Variants in CPPED1 observed in about 807,000 individuals in gnomAD.
CPPED1 encodes serine/threonine-protein phosphatase CPPED1.
In CPPED1, 28 loss-of-function variants were observed where a neutral mutation model predicts 28.0. The observed-to-expected ratio is 1.00, with a 90% CI of 0.74 to 1.37. CPPED1 has a LOEUF of 1.37. Among genes scored for constraint, CPPED1 ranks in the 40% most tolerant of loss-of-function variants. The pLI, the probability that CPPED1 is intolerant of heterozygous loss-of-function variation, is 0.00. For missense variants in CPPED1, 504 were observed against 416.5 expected, an observed-to-expected ratio of 1.21 and a Z score of -1.83; for synonymous variants, 198 against 180.2, an observed-to-expected ratio of 1.10 and a Z score of -0.79.
intron 3 of CPPED1, among the ~76,000 whole-genome samples, chr16:12,679,706 G>A (rs1388382692): frequency 1.3e-5 from 2 of 152,120 alleles, no homozygotes; most frequent in Non-Finnish European, 2.9e-5. Context: ...CCTGAAAACT[G>A]TATTTCTGAT....
At chr16:12,783,014 G>A (rs1281473274) in intron 1 of CPPED1, among the ~76,000 whole-genome samples, 1 of 152,142 alleles carries the variant, frequency 6.6e-6, no homozygotes, top group Admixed American at 6.6e-5. Context: ...TGTCTATTGA[G>A]TATCATACTG....
At position 12,698,086 on chromosome 16, in the gene CPPED1, G is replaced by T. The variant is rs148734846; in HGVS notation, c.715+6538C>A. ...GATGGCACCACTGCACTCCAGCCTGGGTGACAGAGTGAGACTCTGACCCCA... is the reference window on the plus strand; with the variant it reads ...GATGGCACCACTGCACTCCAGCCTGTGTGACAGAGTGAGACTCTGACCCCA... On this transcript the variant is annotated intron_variant, in intron 3 of 3. Transcript: ENST00000381774. Among the ~76,000 whole-genome samples the T allele has an allele frequency of 3.3e-3, 503 of 152,166 alleles. 3 individuals are homozygous for T. The highest frequency in any genetic ancestry group is 0.032 in the East Asian group (164 of 5,170).
chr16:12,691,805 A>C (rs1306964329), intron 3 of CPPED1, among the ~76,000 whole-genome samples: 1,151 of 70,100 alleles, frequency 0.016, 52 homozygotes, highest in African/African-American at 0.099. Context: ...CACGCTGGGG[A>C]CTGTTGTGGG....
intron 1 of CPPED1, among the ~76,000 whole-genome samples, chr16:12,790,940 AG>A (rs1191987753): frequency 8.1e-5 from 12 of 148,764 alleles, no homozygotes; most frequent in Middle Eastern, 6.9e-3. Flanking sequence ...AAAAAAAAAA[AG>A]AGTAGAACAT....
intron 2 of CPPED1, among the ~76,000 whole-genome samples, chr16:12,773,803 G>C (rs1393379260): frequency 2.0e-5 from 3 of 152,180 alleles, no homozygotes; most frequent in Non-Finnish European, 4.4e-5. Flanking sequence ...TGAACAATCT[G>C]TGGTGATTTG....
intron 2 of CPPED1, among the ~76,000 whole-genome samples, chr16:12,737,808 G>A (rs76518187): frequency 0.029 from 4,458 of 152,234 alleles, 139 homozygotes; most frequent in African/African-American, 0.08. Context: ...GGGAGGGAGC[G>A]GCTGGAGGGA....
intron 3 of CPPED1, among the ~76,000 whole-genome samples, chr16:12,690,184 G>T (rs906144988): frequency 2.0e-5 from 3 of 152,046 alleles, no homozygotes; most frequent in Non-Finnish European, 4.4e-5. Context: ...AGTCTGCGGG[G>T]GTGGGTACAG....
At chr16:12,751,379 G>T (rs1473205219) in intron 2 of CPPED1, among the ~76,000 whole-genome samples, 1 of 139,478 alleles carries the variant, frequency 7.2e-6, no homozygotes, top group South Asian at 2.2e-4. Context: ...CAGGATAGAA[G>T]ATCCAACCAG....
At chr16:12,730,090 G>A (rs1488361113) in intron 2 of CPPED1, among the ~76,000 whole-genome samples, 1 of 152,068 alleles carries the variant, frequency 6.6e-6, no homozygotes, top group Non-Finnish European at 1.5e-5. Flanking sequence ...TCAAACTCTT[G>A]GCCTGAAGCA....
Position 12,709,372 on chromosome 16 carries a change from A to G in CPPED1, c.290-4323T>C, listed in dbSNP as rs917701940. ...TATCTGCTGAGAAGTGGGTGCCAAGAGTACAGGGACCCCAATGTCAGCACA... is the reference window on the plus strand; with the variant it reads ...TATCTGCTGAGAAGTGGGTGCCAAGGGTACAGGGACCCCAATGTCAGCACA... On this transcript the variant is annotated intron_variant, in intron 2 of 3. Coordinates refer to ENST00000381774, the MANE Select transcript of CPPED1 (RefSeq NM_018340.3). This position sits in a 1 kb window ranked among gnomAD's most constrained non-coding sequence, Gnocchi z 4.4. 6.6e-6 allele frequency among the ~76,000 whole-genome samples: 1 copy of G among 152,176 alleles called. No homozygotes were observed. The highest frequency in any genetic ancestry group is 2.4e-5 in the African/African-American group (1 of 41,450).
In CPPED1 at chr16:12,661,300, T is replaced by C. The variant is rs1444484309; in HGVS notation, c.*3586A>G. On this transcript the variant is annotated 3_prime_UTR_variant, in exon 4 of 4. Coordinates refer to ENST00000381774, the MANE Select transcript of CPPED1 (RefSeq NM_018340.3). ...GTCTAATTCAGATTTAAACTAGTGCTTGCCTTGTAACTCTGCAAGTGATCA... is the reference window on the plus strand; with the variant it reads ...GTCTAATTCAGATTTAAACTAGTGCCTGCCTTGTAACTCTGCAAGTGATCA... The C allele has an allele frequency of 6.6e-6, 1 of 152,202 alleles. No homozygotes were observed. Among genetic ancestry groups the C allele is most frequent in the East Asian group, 1.9e-4 (1 of 5,202 alleles). The allele number at this position is 152,202 out of a possible 1,614,324, so 9.4% of individuals were successfully genotyped here. A position where few individuals can be genotyped will look rare whatever the true frequency, so the allele number is the denominator to read the frequency against.
intron 3 of CPPED1, among the ~76,000 whole-genome samples, chr16:12,699,306 G>T (rs186017049): frequency 6.6e-6 from 1 of 152,082 alleles, no homozygotes; most frequent in Non-Finnish European, 1.5e-5. Context: ...TATTTGTACC[G>T]GCTATTGACA....
intron 2 of CPPED1, among the ~76,000 whole-genome samples, chr16:12,779,065 T>C (rs546349201): frequency 1.3e-5 from 2 of 152,350 alleles, no homozygotes; most frequent in South Asian, 2.1e-4. Context: ...TTATTTTAAA[T>C]CTGATTTTGA....
intron 2 of CPPED1, chr16:12,753,820 G>A (rs2080346885): frequency 6.6e-6 from 1 of 152,134 alleles, no homozygotes. Context: ...CTTTCATAAA[G>A]TGTAGCTTTC....
At chr16:12,720,582 G>A (rs2080134456) in intron 2 of CPPED1, among the ~76,000 whole-genome samples, 1 of 152,146 alleles carries the variant, frequency 6.6e-6, no homozygotes, top group African/African-American at 2.4e-5. Flanking sequence ...CTGCCTCCTG[G>A]ATTCAAGCGA....
chr16:12,785,906 C>T (rs1472705850), intron 1 of CPPED1, among the ~76,000 whole-genome samples: 1 of 151,006 alleles, frequency 6.6e-6, no homozygotes. Flanking sequence ...TCCTGAAGCA[C>T]TCTGAGTATG....
chr16:12,707,092 G>C (rs2080055597), intron 2 of CPPED1, among the ~76,000 whole-genome samples: 1 of 152,186 alleles, frequency 6.6e-6, no homozygotes, highest in Non-Finnish European at 1.5e-5. Context: ...TAAGACTCCA[G>C]TGTCTGGTTC....
At position 12,669,889 on chromosome 16, in the gene CPPED1, C is replaced by T. The variant is rs558693703; in HGVS notation, c.716-4774G>A. ...GTGCTCAGAAACAAAAACCCTGCAA[C>T]GATGGGGTATGGCAAATGGACTCAG... On this transcript the variant is annotated intron_variant, in intron 3 of 3. Coordinates refer to ENST00000381774, the MANE Select transcript of CPPED1 (RefSeq NM_018340.3). Among the ~76,000 whole-genome samples, 14 of 152,270 alleles carry T rather than the reference C, an allele frequency of 9.2e-5. No homozygotes were observed. The East Asian group carries it at 1.4e-3, about 15-fold the overall frequency.
intron 1 of CPPED1, among the ~76,000 whole-genome samples, chr16:12,799,745 A>G (rs2080648025): frequency 1.3e-5 from 2 of 152,182 alleles, no homozygotes; most frequent in Non-Finnish European, 2.9e-5. Context: ...GCACCTAGTA[A>G]TGTGAACCCA....
Sources: allele counts gnomAD v4.1 joint callset (sites outside exome capture counted in the v4.1 genomes callset), GRCh38; gene constraint gnomAD v4.1.1; non-coding constraint Gnocchi (gnomAD v3.1); transcripts MANE v1.5; gene names NCBI Gene and HGNC (gene_info 2026-07-23, HGNC 2026-07-21).